Variants in ZNF680 observed in about 807,000 individuals in gnomAD.
ZNF680 encodes hypothetical protein FLJ90430.
ZNF680 carries 6 observed loss-of-function variants against 12.1 expected under a neutral mutation model. That is an observed-to-expected ratio of 0.49 (90% CI 0.27 to 0.98). ZNF680 has a LOEUF of 0.98. ZNF680 is among the 50% of genes least tolerant of loss of function. The pLI is 0.12. For synonymous variants in ZNF680, 170 were observed against 199.3 expected (o/e 0.85, Z 1.24); for missense variants, 561 against 616.3 (o/e 0.91, Z 0.95).
the ZNF680 span, chr7:64,500,823 C>T: frequency 2.6e-6 from 1 of 390,336 alleles, no homozygotes; most frequent in Middle Eastern, 3.8e-4. Flanking sequence ...TTATCAAACA[C>T]AATGGCCAGC....
chr7:64,513,652 T>A, the ZNF680 span, among the ~76,000 whole-genome samples: 706 of 89,956 alleles, frequency 7.8e-3, 3 homozygotes, highest in African/African-American at 0.019. Context: ...AATTAAAAAT[T>A]TTTTTTTTTT....
the ZNF680 span, among the ~76,000 whole-genome samples, chr7:64,509,406 A>G: frequency 6.6e-6 from 1 of 152,204 alleles, no homozygotes; most frequent in Non-Finnish European, 1.5e-5. Context: ...CTTAGCTTCA[A>G]TACTGTCCCC....
the ZNF680 span, among the ~76,000 whole-genome samples, chr7:64,513,828 T>C: frequency 6.6e-6 from 1 of 151,974 alleles, no homozygotes; most frequent in African/African-American, 2.4e-5. Context: ...TTATTTTTAG[T>C]AGAGACGGGA....
Position 64,544,444 on chromosome 7 carries a change from AC to A in ZNF680, c.31-13del. 1 of 994,762 alleles carries A rather than the reference AC, an allele frequency of 1.0e-6. No homozygotes were observed. Among genetic ancestry groups the A allele is most frequent in the Non-Finnish European group, 1.4e-6 (1 of 709,946 alleles). The allele number at this position is 994,762 out of a possible 1,614,324, so 61.6% of individuals were successfully genotyped here. On this transcript the variant is annotated splice_polypyrimidine_tract_variant and intron_variant, in intron 1 of 3. Transcript: ENST00000309683. ...AATGTCAGTGGTCCCTGAAAAACAC[AC>A]ACACACACACACACACACACACACA...
the ZNF680 span, among the ~76,000 whole-genome samples, chr7:64,504,802 T>C: frequency 6.6e-6 from 1 of 152,232 alleles, no homozygotes; most frequent in Non-Finnish European, 1.5e-5. Context: ...CATGTCCAGA[T>C]GCTTCCTGAA....
chr7:64,507,109 G>C, the ZNF680 span, among the ~76,000 whole-genome samples: 2 of 152,048 alleles, frequency 1.3e-5, no homozygotes, highest in Non-Finnish European at 2.9e-5. Flanking sequence ...ATACTATTCA[G>C]CGTCAAGAAA....
intron 3 of ZNF680, 79 bp downstream of exon 3, chr7:64,543,628 T>A: frequency 8.1e-7 from 1 of 1,235,658 alleles, no homozygotes; most frequent in Non-Finnish European, 1.1e-6. Flanking sequence ...CCAAATCCCA[T>A]GTCAAGAACT....
intron 1 of ZNF680, among the ~76,000 whole-genome samples, chr7:64,545,929 A>G (rs1020336100): frequency 1.3e-5 from 2 of 152,212 alleles, no homozygotes; most frequent in Non-Finnish European, 2.9e-5. Flanking sequence ...AACAGCTACA[A>G]AGGAAATATT....
chr7:64,536,071 T>C (rs1786148000), intron 3 of ZNF680, among the ~76,000 whole-genome samples: 2 of 152,184 alleles, frequency 1.3e-5, no homozygotes, highest in African/African-American at 4.8e-5. Context: ...TATCTATCTA[T>C]ATGTATGTGT....
In ZNF680 at chr7:64,520,541, T is replaced by C. The variant is rs1791473151; in HGVS notation, c.*620A>G. On this transcript the variant is annotated 3_prime_UTR_variant, in exon 4 of 4. Coordinates refer to ENST00000309683, the MANE Select transcript of ZNF680 (RefSeq NM_178558.5). ...AGACTCAATTTTGGATTAAATATTT[T>C]TCATACTTACTGCATCTGCAAAAAC... The C allele has an allele frequency of 6.6e-6, 1 of 151,886 alleles. No homozygotes were observed. Among genetic ancestry groups the C allele is most frequent in the African/African-American group, 2.4e-5 (1 of 41,430 alleles). 9.4% of individuals were successfully genotyped at this position (151,886 alleles called of 1,614,324 possible).
chr7:64,533,701 C>G (rs1299542650), intron 3 of ZNF680, among the ~76,000 whole-genome samples: 1 of 152,012 alleles, frequency 6.6e-6, no homozygotes, highest in Admixed American at 6.6e-5. Flanking sequence ...AAAGAGCCCA[C>G]ATAGCCAAAG....
At chr7:64,536,637 C>T (rs1246930534) in intron 3 of ZNF680, among the ~76,000 whole-genome samples, 3 of 152,146 alleles carry the variant, frequency 2.0e-5, no homozygotes, top group Non-Finnish European at 4.4e-5. Flanking sequence ...CTGGAGAACA[C>T]GGACACCCAC....
intron 3 of ZNF680, among the ~76,000 whole-genome samples, chr7:64,542,287 C>T (rs1428409300): frequency 6.6e-6 from 1 of 152,114 alleles, no homozygotes; most frequent in Non-Finnish European, 1.5e-5. Context: ...GGTGTTTGCT[C>T]CTTTAAATTC....
At chr7:64,507,408 A>C in the ZNF680 span, among the ~76,000 whole-genome samples, 1 of 152,230 alleles carries the variant, frequency 6.6e-6, no homozygotes, top group East Asian at 1.9e-4. Flanking sequence ...TGTGTATAGT[A>C]AACAACAATA....
At chr7:64,503,058 A>G in the ZNF680 span, among the ~76,000 whole-genome samples, 1 of 150,584 alleles carries the variant, frequency 6.6e-6, no homozygotes. Context: ...CATTGAATTA[A>G]ATTATTACTT....
At chr7:64,557,992 C>T (rs1787516003) in intron 1 of ZNF680, among the ~76,000 whole-genome samples, 2 of 152,188 alleles carry the variant, frequency 1.3e-5, no homozygotes, top group Admixed American at 1.3e-4. Flanking sequence ...GCACGTTTAC[C>T]CCCAACCCTG....
At chr7:64,502,300 C>T in the ZNF680 span, among the ~76,000 whole-genome samples, 2 of 152,084 alleles carry the variant, frequency 1.3e-5, no homozygotes, top group African/African-American at 4.8e-5. Flanking sequence ...CATGAGCCAC[C>T]TTGCCCGGCC....
At chr7:64,501,129 G>C in the ZNF680 span, 1 of 959,000 alleles carries the variant, frequency 1.0e-6, no homozygotes, top group African/African-American at 1.6e-5. Context: ...GATCTGCAGC[G>C]ATGTATGGGT....
intron 3 of ZNF680, among the ~76,000 whole-genome samples, chr7:64,543,038 G>A (rs1786590138): frequency 6.6e-6 from 1 of 151,144 alleles, no homozygotes; most frequent in Admixed American, 6.6e-5. Flanking sequence ...TCTATGGATT[G>A]AAAGCATAAA....
Sources: gnomAD v4.1 joint callset for allele counts (sites outside exome capture counted in the v4.1 genomes callset) on GRCh38, gnomAD v4.1.1 for gene constraint, MANE v1.5 for transcripts, NCBI Gene and HGNC (gene_info 2026-07-23, HGNC 2026-07-21) for gene names.